The following MTUS1 variants were observed in gnomAD, a reference collection of about 807,000 sequenced individuals.
MTUS1 encodes microtubule associated scaffold protein 1, also known as microtubule-associated tumor suppressor 1.
In MTUS1, 109 loss-of-function variants were observed where a neutral mutation model predicts 120.8. The ratio of observed to expected loss-of-function variants is 0.90; its 90% CI spans 0.77 to 1.06. MTUS1 has a LOEUF of 1.06. MTUS1 is among the 50% of genes least tolerant of loss of function. The pLI is 0.00. For synonymous variants in MTUS1, 737 were observed against 550.5 expected, an observed-to-expected ratio of 1.34 and a Z score of -4.74; for missense variants, 2,210 against 1,486.3, an observed-to-expected ratio of 1.49 and a Z score of -8.01.
At chr8:17,719,073 G>C (rs891672109) in intron 4 of MTUS1, among the ~76,000 whole-genome samples, 15 of 152,134 alleles carry the variant, frequency 9.9e-5, no homozygotes, top group African/African-American at 3.6e-4. Flanking sequence ...AGGAGGCTGA[G>C]GTGGGAGAAC....
intron 6 of MTUS1, among the ~76,000 whole-genome samples, chr8:17,694,477 C>G (rs1817570876): frequency 6.6e-6 from 1 of 152,004 alleles, no homozygotes; most frequent in South Asian, 2.1e-4. Context: ...ACCAGTATGG[C>G]CAACATGGTG....
intron 1 of MTUS1, among the ~76,000 whole-genome samples, chr8:17,784,307 T>TC: frequency 6.6e-6 from 1 of 151,544 alleles, no homozygotes; most frequent in East Asian, 1.9e-4. Context: ...TTTTTTTTTT[T>TC]TTTTTGAGAT....
At chr8:17,697,984 GT>G (rs887165097) in intron 6 of MTUS1, among the ~76,000 whole-genome samples, 41 of 149,030 alleles carry the variant, frequency 2.8e-4, no homozygotes, top group Non-Finnish European at 3.4e-4. Context: ...TTTTGGAAAA[GT>G]TTTTTTTTTA....
intron 1 of MTUS1, among the ~76,000 whole-genome samples, chr8:17,782,061 C>G (rs1447523180): frequency 6.6e-6 from 1 of 152,170 alleles, no homozygotes; most frequent in Non-Finnish European, 1.5e-5. Context: ...ATGGGCAAGT[C>G]CGTGGTTTTA....
intron 1 of MTUS1, among the ~76,000 whole-genome samples, chr8:17,757,286 G>A (rs1054457601): frequency 6.6e-6 from 1 of 152,110 alleles, no homozygotes; most frequent in African/African-American, 2.4e-5. Context: ...TATATCAAAT[G>A]AAAGAAGCCA....
chr8:17,760,820 A>C lies in MTUS1; in HGVS notation c.-154-4859T>G, dbSNP rs2048984789. 3.3e-5 allele frequency among the ~76,000 whole-genome samples: 5 copies of C among 152,006 alleles called. No homozygotes were observed. The East Asian group carries it at 9.7e-4, about 29-fold the overall frequency. On this transcript the variant is annotated intron_variant, in intron 1 of 14. Transcript: ENST00000693296. ...TGTGCTGGAGGGAAAAAAAAAAAAA[A>C]AACTTGAAACAAACCATCCTCACCC...
chr8:17,703,218 A>C (rs939875134), intron 6 of MTUS1, among the ~76,000 whole-genome samples: 6 of 152,182 alleles, frequency 3.9e-5, no homozygotes, highest in Non-Finnish European at 8.8e-5. Context: ...ACGTGCGAGT[A>C]GGAGAGATAT....
At chr8:17,749,588 G>C (rs911167234) in intron 2 of MTUS1, among the ~76,000 whole-genome samples, 1 of 150,436 alleles carries the variant, frequency 6.6e-6, no homozygotes, top group African/African-American at 2.5e-5. Context: ...TTGAACCCGG[G>C]AGGCAGAGGC....
At chr8:17,785,377 A>G (rs1467091082) in intron 1 of MTUS1, among the ~76,000 whole-genome samples, 1 of 152,232 alleles carries the variant, frequency 6.6e-6, no homozygotes. Context: ...GCTTGAGCTG[A>G]GACTAAGGCA....
At position 17,744,281 on chromosome 8, in the gene MTUS1, T is replaced by C. The variant is rs543374166; in HGVS notation, c.2092-482A>G. Reference sequence around the variant, plus strand: ...GTCTAGCACCTTTTAAAAGTCTAAATAGGTAATATTTGCCATCTATTACCT... The same window carrying C: ...GTCTAGCACCTTTTAAAAGTCTAAACAGGTAATATTTGCCATCTATTACCT... On this transcript the variant is annotated intron_variant, in intron 2 of 14. Coordinates refer to ENST00000693296, the MANE Select transcript of MTUS1 (RefSeq NM_001363059.2). Among the ~76,000 whole-genome samples the C allele has an allele frequency of 6.2e-4, 95 of 152,306 alleles. 1 individual carries two copies. The highest frequency in any genetic ancestry group is 1.2e-3 in the Non-Finnish European group (80 of 68,024).
chr8:17,649,759 C>A, intron 13 of MTUS1, 87 bp downstream of exon 13: 1 of 738,244 alleles, frequency 1.4e-6, no homozygotes, highest in Non-Finnish European at 2.4e-6. Context: ...AGCAGTTAAC[C>A]CAACTCCACA....
intron 3 of MTUS1, among the ~76,000 whole-genome samples, chr8:17,739,044 G>A (rs1009424301): frequency 3.3e-5 from 5 of 152,036 alleles, no homozygotes; most frequent in Admixed American, 1.3e-4. Flanking sequence ...ATGGGACGCT[G>A]AGACAGGAGG....
chr8:17,730,024 A>AGT (rs1318589672), intron 3 of MTUS1, among the ~76,000 whole-genome samples: 1 of 151,814 alleles, frequency 6.6e-6, no homozygotes, highest in Non-Finnish European at 1.5e-5. Flanking sequence ...AAAATTAACA[A>AGT]GTGTTGGCAA....
intron 1 of MTUS1, among the ~76,000 whole-genome samples, chr8:17,794,326 C>A (rs748221447): frequency 6.6e-6 from 1 of 151,108 alleles, no homozygotes; most frequent in Non-Finnish European, 1.5e-5. Context: ...AAAACTCTGT[C>A]TCAAAAAAAA....
chr8:17,712,944 T>C, intron 6 of MTUS1, among the ~76,000 whole-genome samples: 1 of 152,202 alleles, frequency 6.6e-6, no homozygotes, highest in East Asian at 1.9e-4. Context: ...GGGAAGTACA[T>C]TTTCCATTTC....
At chr8:17,718,887 A>C (rs912260297) in intron 4 of MTUS1, among the ~76,000 whole-genome samples, 2 of 151,908 alleles carry the variant, frequency 1.3e-5, no homozygotes, top group Non-Finnish European at 2.9e-5. Flanking sequence ...AGGGCTTCTC[A>C]TGCTGGGCAC....
In MTUS1 at chr8:17,755,974, A is replaced by C; in HGVS notation, c.-154-13T>G. 1 of 1,410,532 alleles carries C rather than the reference A, an allele frequency of 7.1e-7. No homozygotes were observed. The highest frequency in any genetic ancestry group is 9.2e-7 in the Non-Finnish European group (1 of 1,087,616). The allele number at this position is 1,410,532 out of a possible 1,614,324, so 87.4% of individuals were successfully genotyped here. On this transcript the variant is annotated splice_polypyrimidine_tract_variant and intron_variant, in intron 1 of 14. Coordinates refer to ENST00000693296, the MANE Select transcript of MTUS1 (RefSeq NM_001363059.2). The stretch of plus-strand genomic sequence containing the variant: ...GATTTGTTGTTCCCTGGAAGAAATA[A>C]AATGTTTAACTCAAGTAACTATAAG...
At chr8:17,721,338 G>A (rs1290212588) in intron 4 of MTUS1, among the ~76,000 whole-genome samples, 1 of 152,136 alleles carries the variant, frequency 6.6e-6, no homozygotes. Flanking sequence ...ATAAAGATGT[G>A]ATGTTTCCAT....
chr8:17,769,979 G>C (rs28702571), intron 1 of MTUS1, among the ~76,000 whole-genome samples: 30,181 of 150,092 alleles, frequency 0.2, 3,163 homozygotes, highest in African/African-American at 0.26. Context: ...GCAAAAGTGA[G>C]AAATAAGCAA....
Sources: allele counts gnomAD v4.1 joint callset (sites outside exome capture counted in the v4.1 genomes callset), GRCh38; gene constraint gnomAD v4.1.1; transcripts MANE v1.5; gene names NCBI Gene and HGNC (gene_info 2026-07-23, HGNC 2026-07-21).